Variants in DIPK1B observed in about 807,000 individuals in gnomAD.
DIPK1B encodes family with sequence similarity 69 member B.
In DIPK1B, 17 loss-of-function variants were observed where a neutral mutation model predicts 20.7. That is an observed-to-expected ratio of 0.82 (90% confidence interval 0.56 to 1.23). The LOEUF (loss-of-function observed/expected upper bound fraction) is 1.23. Ranked by LOEUF, DIPK1B falls within the 50% of genes most tolerant of loss-of-function variation. DIPK1B has a pLI of 0.00. For synonymous variants in DIPK1B, 343 were observed against 276.5 expected, an observed-to-expected ratio of 1.24 and a Z score of -2.39; for missense variants, 648 against 601.8, an observed-to-expected ratio of 1.08 and a Z score of -0.80.
rs1588278746 is a variant in DIPK1B at position 136,712,573 on chromosome 9, T to G, written c.-93T>G. 2.1e-5 allele frequency: 10 copies of G among 487,752 alleles called. No individual in the cohort carries two copies. The highest frequency in any genetic ancestry group is 3.2e-4 in the East Asian group (2 of 6,316). The allele number at this position is 487,752 out of a possible 1,614,324, so 30.2% of individuals were successfully genotyped here. A position where few individuals can be genotyped will look rare whatever the true frequency, so the allele number is the denominator to read the frequency against. On this transcript the variant is annotated 5_prime_UTR_variant, in exon 1 of 5. It removes an upstream start codon present in the reference 5' UTR. Transcript: ENST00000371692. The surrounding 1 kb of genome is among the most constrained non-coding windows in gnomAD (Gnocchi z 5.6). ...CGGGCCCGGGGGCGCGCGGCCCGCA[T>G]GGCGAGGGAGCGGCGGCCGCTGCGG...
Position 136,723,000 on chromosome 9 carries a change from T to C in DIPK1B, c.522T>C (p.Val174=). Residue 174 remains valine (V), a synonymous_variant, in exon 5 of 5, where the codon GTT becomes GTC. Coordinates refer to ENST00000371692, the MANE Select transcript of DIPK1B (RefSeq NM_152421.4). The stretch of plus-strand genomic sequence containing the variant: ...ACCTGCCTTCCCTGCCGGCGCTGGT[T>C]GGCCAGGTCCTGCTCATGGCTGACT... ...LGDLPSLPAL[V]GQVLLMADFN... is the part of the protein sequence containing the mutation. 1.2e-6 allele frequency: 2 copies of C among 1,609,834 alleles called. No individual in the cohort carries two copies. The highest frequency in any genetic ancestry group is 1.7e-6 in the Non-Finnish European group (2 of 1,177,098).
chr9:136,716,531 G>C (rs1285953949), intron 1 of DIPK1B, among the ~76,000 whole-genome samples: 1 of 152,032 alleles, frequency 6.6e-6, no homozygotes, highest in African/African-American at 2.4e-5. Context: ...GCCTCCCAAA[G>C]AGCTGGGATC....
rs1846654285 is a variant in DIPK1B at position 136,723,564 on chromosome 9, C to A, written c.1086C>A (p.Ile362=). 6.3e-7 allele frequency: 1 copy of A among 1,597,868 alleles called. No homozygotes were observed. The change falls in exon 5 of 5, where the codon ATC becomes ATA. Residue 362 remains isoleucine, a synonymous_variant. Coordinates refer to ENST00000371692, the MANE Select transcript of DIPK1B (RefSeq NM_152421.4). ...RLMRQCKGDL[I]QPNLAKVCAL... ...TGAGGCAGTGCAAGGGCGACCTCAT[C>A]CAGCCCAACCTGGCCAAGGTGTGCG... is the stretch of plus-strand genomic sequence containing the variant.
At chr9:136,716,880 T>C (rs1846504709) in intron 1 of DIPK1B, among the ~76,000 whole-genome samples, 1 of 151,720 alleles carries the variant, frequency 6.6e-6, no homozygotes, top group African/African-American at 2.4e-5. Context: ...CACCTGGCCT[T>C]GTGCGGAGGT....
chr9:136,721,177 C>CA (rs1462571717), intron 2 of DIPK1B: 6 of 152,334 alleles, frequency 3.9e-5, no homozygotes, highest in African/African-American at 9.6e-5. Flanking sequence ...GCTTCTCTGA[C>CA]AGAGGCCCTA....
At chr9:136,717,237 A>C (rs540230269) in intron 1 of DIPK1B, among the ~76,000 whole-genome samples, 1 of 152,196 alleles carries the variant, frequency 6.6e-6, no homozygotes, top group South Asian at 2.1e-4. Flanking sequence ...TCAAAAAAAA[A>C]AAAAAAATTT....
chr9:136,724,024 C>T lies in DIPK1B; in HGVS notation c.*250C>T. 1 of 540,850 alleles carries T rather than the reference C, an allele frequency of 1.8e-6. No individual in the cohort carries two copies. The highest frequency in any genetic ancestry group is 3.3e-6 in the Non-Finnish European group (1 of 300,396). 33.5% of individuals were successfully genotyped at this position (540,850 alleles called of 1,614,324 possible). A position where few individuals can be genotyped will look rare whatever the true frequency, so the allele number is the denominator to read the frequency against. On this transcript the variant is annotated 3_prime_UTR_variant, in exon 5 of 5. Coordinates refer to ENST00000371692, the MANE Select transcript of DIPK1B (RefSeq NM_152421.4). ...CTCTGAAGAACGTAATGTCAATAAACAGCTTTTATGTAATGCCCAGGGCTG... is the reference window on the plus strand; with the variant it reads ...CTCTGAAGAACGTAATGTCAATAAATAGCTTTTATGTAATGCCCAGGGCTG...
At position 136,723,991 on chromosome 9, in the gene DIPK1B, G is replaced by GT. The variant is rs1000134421; in HGVS notation, c.*220dup. 1.0e-5 allele frequency: 6 copies of GT among 594,112 alleles called. No homozygotes were observed. Among genetic ancestry groups the GT allele is most frequent in the Non-Finnish European group, 1.8e-5 (6 of 335,498 alleles). The allele number at this position is 594,112 out of a possible 1,614,324, so 36.8% of individuals were successfully genotyped here. A position where few individuals can be genotyped will look rare whatever the true frequency, so the allele number is the denominator to read the frequency against. On this transcript the variant is annotated 3_prime_UTR_variant, in exon 5 of 5. Coordinates refer to ENST00000371692, the MANE Select transcript of DIPK1B (RefSeq NM_152421.4). ...CCCGGCAGGAGAGTCCTCCAAGGGGGTTTGTTACTCTGAAGAACGTAATGT... is the reference window on the plus strand; with the variant it reads ...CCCGGCAGGAGAGTCCTCCAAGGGGGTTTTGTTACTCTGAAGAACGTAATGT...
At chr9:136,720,199 A>G (rs1482792550) in intron 2 of DIPK1B, among the ~76,000 whole-genome samples, 1 of 151,772 alleles carries the variant, frequency 6.6e-6, no homozygotes, top group Non-Finnish European at 1.5e-5. Context: ...ACAAGTGTGC[A>G]GTTTTCCTTC....
At chr9:136,718,538 C>G (rs543115354) in intron 2 of DIPK1B, among the ~76,000 whole-genome samples, 7 of 152,336 alleles carry the variant, frequency 4.6e-5, no homozygotes, top group African/African-American at 1.4e-4. Flanking sequence ...GTCTTCCTGG[C>G]AAACCCTAGA....
chr9:136,722,432 A>C (rs1846622131), intron 4 of DIPK1B, 131 bp downstream of exon 4: 2 of 1,068,986 alleles, frequency 1.9e-6, no homozygotes, highest in Non-Finnish European at 2.7e-6. Flanking sequence ...CAGACCTCCC[A>C]TCCCCCAGCC....
At chr9:136,720,475 C>CG (rs1564309246) in intron 2 of DIPK1B, among the ~76,000 whole-genome samples, 3 of 152,012 alleles carry the variant, frequency 2.0e-5, no homozygotes, top group African/African-American at 7.3e-5. Flanking sequence ...AATTCTCCCC[C>CG]CCCCAGAGGG....
Position 136,712,682 on chromosome 9 carries a change from G to T in DIPK1B, c.17G>T (p.Arg6Leu), listed in dbSNP as rs1422159438. 1.4e-5 allele frequency: 18 copies of T among 1,317,764 alleles called. No homozygotes were observed. Among genetic ancestry groups the T allele is most frequent in the Non-Finnish European group, 1.7e-5 (18 of 1,034,078 alleles). The allele number at this position is 1,317,764 out of a possible 1,614,324, so 81.6% of individuals were successfully genotyped here. Residue 6 changes from arginine to leucine, a missense_variant, in exon 1 of 5, where the codon CGC (arginine) becomes CTC (leucine). Arg to Leu is a moderately radical substitution (Grantham distance 102). Transcript: ENST00000371692. The surrounding 1 kb of genome is among the most constrained non-coding windows in gnomAD (Gnocchi z 5.6). MRRLR[R>L]LAHLVLFCPF... ...GAGCCCACCATGCGGCGGCTGCGGC[G>T]CCTGGCGCACCTGGTGCTCTTCTGC...
chr9:136,723,941 T>C lies in DIPK1B; in HGVS notation c.*167T>C. 2 of 717,830 alleles carry C rather than the reference T, an allele frequency of 2.8e-6. No homozygotes were observed. The highest frequency in any genetic ancestry group is 4.5e-6 in the Non-Finnish European group (2 of 444,038). 44.5% of individuals were successfully genotyped at this position (717,830 alleles called of 1,614,324 possible). A position where few individuals can be genotyped will look rare whatever the true frequency, so the allele number is the denominator to read the frequency against. ...AGCACCACAGACATGAGACCCCAGCTCGGAGCAAAGGCGGACATGGACATC... is the reference window on the plus strand; with the variant it reads ...AGCACCACAGACATGAGACCCCAGCCCGGAGCAAAGGCGGACATGGACATC... On this transcript the variant is annotated 3_prime_UTR_variant, in exon 5 of 5. Transcript: ENST00000371692.
At chr9:136,721,632 G>C in intron 2 of DIPK1B, 1 of 415,330 alleles carries the variant, frequency 2.4e-6, no homozygotes. Context: ...GGTGTGGTGT[G>C]TGTCTCATGT....
chr9:136,717,895 G>T (rs547055632), intron 2 of DIPK1B, among the ~76,000 whole-genome samples, 184 bp downstream of exon 2: 1 of 151,604 alleles, frequency 6.6e-6, no homozygotes, highest in Non-Finnish European at 1.5e-5. Flanking sequence ...AGGGGAGGAC[G>T]GGGGAGACGT....
chr9:136,713,590 G>A (rs1311368980), intron 1 of DIPK1B, among the ~76,000 whole-genome samples: 1 of 152,214 alleles, frequency 6.6e-6, no homozygotes, highest in Non-Finnish European at 1.5e-5. Context: ...TGGTGGTCCC[G>A]GCTCAGCCTT....
chr9:136,716,224 A>C (rs371298269), intron 1 of DIPK1B, among the ~76,000 whole-genome samples: 7 of 134,506 alleles, frequency 5.2e-5, no homozygotes, highest in East Asian at 4.3e-4. Flanking sequence ...AGGACTGCCC[A>C]CCCCTGGGCT....
Position 136,712,736 on chromosome 9 carries a change from C to T in DIPK1B, c.63+8C>T, listed in dbSNP as rs1372979079. 2 of 1,339,984 alleles carry T rather than the reference C, an allele frequency of 1.5e-6. No homozygotes were observed. Among genetic ancestry groups the T allele is most frequent in the African/African-American group, 1.5e-5 (1 of 65,146 alleles). The allele number at this position is 1,339,984 out of a possible 1,614,324, so 83.0% of individuals were successfully genotyped here. ...TTCTCCAAGCGCCTGCAGGTAAGCG[C>T]GGTGCGCGCCCGCCGCCCCCGGCCG... On this transcript the variant is annotated splice_region_variant and intron_variant, in intron 1 of 4. Coordinates refer to ENST00000371692, the MANE Select transcript of DIPK1B (RefSeq NM_152421.4). This position sits in a 1 kb window ranked among gnomAD's most constrained non-coding sequence, Gnocchi z 5.6.
Sources: gnomAD v4.1 joint callset for allele counts (sites outside exome capture counted in the v4.1 genomes callset) on GRCh38, gnomAD v4.1.1 for gene constraint, Gnocchi (gnomAD v3.1) non-coding constraint, MANE v1.5 for transcripts, NCBI Gene and HGNC (gene_info 2026-07-23, HGNC 2026-07-21) for gene names.